The following MAGI1 variants were observed in gnomAD, a reference collection of about 807,000 sequenced individuals.
MAGI1 encodes the protein membrane-associated guanylate kinase, WW and PDZ domain-containing protein 1.
Under a neutral mutation model 139.9 loss-of-function variants are expected in MAGI1, and 58 were observed. That is an observed-to-expected ratio of 0.41 (90% CI 0.34 to 0.52). The LOEUF (loss-of-function observed/expected upper bound fraction) is 0.52. Among genes scored for constraint, MAGI1 ranks in the 20% least tolerant of loss-of-function variants. The pLI, the probability that MAGI1 is intolerant of heterozygous loss-of-function variation, is 0.12. For missense variants in MAGI1, 1,874 were observed against 1,901.6 expected (o/e 0.99, Z 0.27); for synonymous variants, 812 against 737.9 (o/e 1.10, Z -1.63).
intron 2 of MAGI1, among the ~76,000 whole-genome samples, chr3:65,533,385 C>T (rs969523761): frequency 3.3e-5 from 5 of 152,134 alleles, no homozygotes; most frequent in Non-Finnish European, 5.9e-5. Flanking sequence ...AATAGATAAG[C>T]TGACAGTAAC....
At chr3:65,705,134 T>C (rs1386589249) in intron 1 of MAGI1, among the ~76,000 whole-genome samples, 4 of 152,096 alleles carry the variant, frequency 2.6e-5, no homozygotes, top group Non-Finnish European at 5.9e-5. Flanking sequence ...TGTCATGGTT[T>C]TAAGTCAAAC....
intron 1 of MAGI1, among the ~76,000 whole-genome samples, chr3:65,785,624 T>G (rs910579670): frequency 3.3e-5 from 5 of 152,178 alleles, no homozygotes; most frequent in African/African-American, 1.2e-4. Flanking sequence ...AAATACGTGG[T>G]CTCTGGTTCT....
chr3:65,692,027 T>A (rs2088708570), intron 1 of MAGI1, among the ~76,000 whole-genome samples: 1 of 152,180 alleles, frequency 6.6e-6, no homozygotes, highest in South Asian at 2.1e-4. Flanking sequence ...ATTTAAATAT[T>A]CTGTATTTGT....
chr3:65,853,358 C>T (rs2059271156), intron 1 of MAGI1, among the ~76,000 whole-genome samples: 1 of 152,180 alleles, frequency 6.6e-6, no homozygotes, highest in South Asian at 2.1e-4. Context: ...TCTATAAGTA[C>T]ATGTTTAATG....
In MAGI1 at chr3:65,478,773, A is replaced by T; in HGVS notation, c.576T>A (p.Pro192=). ...CTTTCCCACTGACTGGCTGGCTAGG[A>T]GGCTTGGGTGTCCCATAATAGTTTC... ...YEGNYYGTPK[P]PSQPVSGKVI... is the part of the protein sequence containing the mutation. Residue 192 remains proline (P), a synonymous_variant, in exon 4 of 23, where the codon CCT becomes CCA. Coordinates refer to ENST00000402939, the MANE Select transcript of MAGI1 (RefSeq NM_001033057.2). The T allele has an allele frequency of 6.2e-7, 1 of 1,613,982 alleles. No individual in the cohort carries two copies. The highest frequency in any genetic ancestry group is 1.1e-5 in the South Asian group (1 of 91,080).
At chr3:65,918,871 G>T (rs2062034211) in intron 1 of MAGI1, among the ~76,000 whole-genome samples, 1 of 151,902 alleles carries the variant, frequency 6.6e-6, no homozygotes, top group Non-Finnish European at 1.5e-5. Context: ...AAGTTAAGAG[G>T]AGTTCAATTA....
intron 12 of MAGI1, among the ~76,000 whole-genome samples, chr3:65,419,812 C>A (rs142045167): frequency 1.7e-3 from 259 of 152,228 alleles, no homozygotes; most frequent in Non-Finnish European, 2.5e-3. Flanking sequence ...ACACAACCAA[C>A]CCGTTCCTTT....
rs562103503 is a variant in MAGI1, at chr3:65,707,097, G to A, written c.314-85009C>T. 1.9e-4 allele frequency among the ~76,000 whole-genome samples: 29 copies of A among 152,276 alleles called. No individual in the cohort carries two copies. The South Asian group carries it at 4.8e-3, about 25-fold the overall frequency. ...TCATTGATCAAACACGAATGTGTTT[G>A]CCGTAGTTACTGTAGATGTTGTATA... On this transcript the variant is annotated intron_variant, in intron 1 of 22. Transcript: ENST00000402939.
chr3:65,411,497 G>A (rs1945791069), intron 12 of MAGI1, among the ~76,000 whole-genome samples: 1 of 152,026 alleles, frequency 6.6e-6, no homozygotes, highest in South Asian at 2.1e-4. Flanking sequence ...GGATGTACGG[G>A]GGGATTATGA....
At chr3:66,034,808 C>T (rs561885021) in intron 1 of MAGI1, among the ~76,000 whole-genome samples, 1 of 151,890 alleles carries the variant, frequency 6.6e-6, no homozygotes, top group African/African-American at 2.4e-5. Context: ...TGTTGAGTAA[C>T]AAAAGCCAAA....
chr3:65,899,286 A>G (rs1297312044), intron 1 of MAGI1, among the ~76,000 whole-genome samples: 2 of 152,230 alleles, frequency 1.3e-5, no homozygotes, highest in Non-Finnish European at 2.9e-5. Flanking sequence ...ACAGTGGAAA[A>G]AGTAAAATGT....
chr3:65,575,071 A>G (rs2108089532), intron 2 of MAGI1, among the ~76,000 whole-genome samples: 1 of 152,206 alleles, frequency 6.6e-6, no homozygotes, highest in East Asian at 1.9e-4. Flanking sequence ...GTATTGCTTC[A>G]TAGTTAAAAA....
chr3:65,672,513 T>C (rs572767578), intron 1 of MAGI1, among the ~76,000 whole-genome samples: 14 of 152,256 alleles, frequency 9.2e-5, no homozygotes, highest in Middle Eastern at 3.4e-3. Context: ...AGGATGAAAA[T>C]GATTACATTT....
chr3:66,026,405 T>C (rs180778889), intron 1 of MAGI1, among the ~76,000 whole-genome samples: 53 of 152,282 alleles, frequency 3.5e-4, no homozygotes, highest in Middle Eastern at 3.4e-3. Context: ...GTATATTTAA[T>C]ATGCTTTAAA....
chr3:65,863,785 C>G (rs147037291), intron 1 of MAGI1, among the ~76,000 whole-genome samples: 1 of 152,144 alleles, frequency 6.6e-6, no homozygotes, highest in Non-Finnish European at 1.5e-5. Flanking sequence ...TATGGCATAT[C>G]CATAAATTAA....
rs1179378113 is a variant in MAGI1, at chr3:65,354,644, A to G, written c.*1734T>C. ...TAAAGCTTTAGAGAATTACTTATAT[A>G]GTCTCCCATTTTAAAACAACTTTAC... On this transcript the variant is annotated 3_prime_UTR_variant, in exon 23 of 23. Coordinates refer to ENST00000402939, the MANE Select transcript of MAGI1 (RefSeq NM_001033057.2). 2 of 152,672 alleles carry G rather than the reference A, an allele frequency of 1.3e-5. No individual in the cohort carries two copies. The highest frequency in any genetic ancestry group is 2.9e-5 in the Non-Finnish European group (2 of 68,042). The allele number at this position is 152,672 out of a possible 1,614,324, so 9.5% of individuals were successfully genotyped here.
chr3:65,503,109 C>T (rs1276747373), intron 2 of MAGI1, among the ~76,000 whole-genome samples: 1 of 152,076 alleles, frequency 6.6e-6, no homozygotes, highest in South Asian at 2.1e-4. Context: ...TCCAGCAGAA[C>T]AAAGTTGAAA....
chr3:65,375,910 G>A lies in MAGI1; in HGVS notation c.3031C>T (p.Arg1011Trp), dbSNP rs1372974364. ...TCAGCAGGGCTCCCCTCAATAATCC[G>A]ACCTATTTTGTGAGGCATAGCCACA... is the stretch of plus-strand genomic sequence containing the variant. The part of the protein sequence containing the change: ...ACVAMPHKIG[R>W]IIEGSPADRC... The change falls in exon 18 of 23, where the codon CGG becomes TGG. Residue 1011 changes from arginine (R) to tryptophan (W), a missense_variant. Arg to Trp is a moderately radical substitution (Grantham distance 101). Transcript: ENST00000402939. 6 of 1,613,852 alleles carry A rather than the reference G, an allele frequency of 3.7e-6. No homozygotes were observed. Among genetic ancestry groups the A allele is most frequent in the South Asian group, 1.1e-5 (1 of 91,070 alleles).
chr3:65,482,298 A>C lies in MAGI1; in HGVS notation c.551-3500T>G, dbSNP rs77412299. ...GACGGTCTGCCTTTAACCTATGCTGAAGTCTGCCACTATGGTGAGGGTAGA... is the reference window on the plus strand; with the variant it reads ...GACGGTCTGCCTTTAACCTATGCTGCAGTCTGCCACTATGGTGAGGGTAGA... On this transcript the variant is annotated intron_variant, in intron 3 of 22. Transcript: ENST00000402939. Among the ~76,000 whole-genome samples the C allele has an allele frequency of 2.5e-3, 386 of 152,346 alleles. 1 individual carries two copies. The highest frequency in any genetic ancestry group is 8.4e-3 in the African/African-American group (350 of 41,586).
Sources: allele counts gnomAD v4.1 joint callset (sites outside exome capture counted in the v4.1 genomes callset), GRCh38; gene constraint gnomAD v4.1.1; transcripts MANE v1.5; gene names NCBI Gene and HGNC (gene_info 2026-07-23, HGNC 2026-07-21).